NTN4: variants seen among roughly 807,000 people sequenced by gnomAD.
The protein encoded by NTN4 is netrin 4, also known as netrin-4.
Under a neutral mutation model 73.6 loss-of-function variants are expected in NTN4, and 32 were observed. The ratio of observed to expected loss-of-function variants is 0.44; its 90% CI spans 0.33 to 0.58. The LOEUF (loss-of-function observed/expected upper bound fraction) is 0.58. Among genes scored for constraint, NTN4 ranks in the 20% least tolerant of loss-of-function variants. NTN4 has a pLI of 0.04. For missense variants in NTN4, 654 were observed against 798.3 expected, an observed-to-expected ratio of 0.82 and a Z score of 2.18; for synonymous variants, 258 against 287.5, an observed-to-expected ratio of 0.90 and a Z score of 1.04.
At chr12:95,705,522 T>C (rs1259328022) in intron 5 of NTN4, among the ~76,000 whole-genome samples, 1 of 152,210 alleles carries the variant, frequency 6.6e-6, no homozygotes, top group Non-Finnish European at 1.5e-5. Context: ...TGTCAGAATA[T>C]GCTATATTCT....
intron 2 of NTN4, among the ~76,000 whole-genome samples, chr12:95,769,462 A>G (rs2079041026): frequency 6.6e-6 from 1 of 151,714 alleles, no homozygotes. Context: ...TAATTGAGCA[A>G]TGAACGACTC....
intron 2 of NTN4, among the ~76,000 whole-genome samples, chr12:95,761,782 T>C (rs1467101543): frequency 6.6e-6 from 1 of 152,208 alleles, no homozygotes; most frequent in Admixed American, 6.5e-5. Context: ...TCTTTAAGTC[T>C]ACCTAATTAT....
intron 5 of NTN4, among the ~76,000 whole-genome samples, chr12:95,685,823 A>G (rs1157129754): frequency 6.6e-6 from 1 of 152,228 alleles, no homozygotes; most frequent in African/African-American, 2.4e-5. Context: ...TGTGCAAAGC[A>G]GTTAGTGTGA....
chr12:95,737,641 G>T (rs565162117), intron 3 of NTN4, among the ~76,000 whole-genome samples: 1 of 152,228 alleles, frequency 6.6e-6, no homozygotes, highest in African/African-American at 2.4e-5. Context: ...CTAAAAACTG[G>T]CATGGGTGTT....
chr12:95,757,652 G>C (rs1284578063), intron 2 of NTN4, among the ~76,000 whole-genome samples: 1 of 150,122 alleles, frequency 6.7e-6, no homozygotes, highest in Non-Finnish European at 1.5e-5. Context: ...GCCATCTATG[G>C]TTAGAGCTCA....
At position 95,781,952 on chromosome 12, in the gene NTN4, G is replaced by A. The variant is rs980385616; in HGVS notation, c.585+4987C>T. Among the ~76,000 whole-genome samples the A allele has an allele frequency of 4.6e-5, 7 of 152,108 alleles. No individual in the cohort carries two copies. The highest frequency in any genetic ancestry group is 1.4e-4 in the African/African-American group (6 of 41,410). The stretch of plus-strand genomic sequence containing the variant: ...TTCACTGCCATGTCTATGCCACCTG[G>A]AATGGGATCTGACACATAGTAGCTT... On this transcript the variant is annotated intron_variant, in intron 2 of 9. Coordinates refer to ENST00000343702, the MANE Select transcript of NTN4 (RefSeq NM_021229.4). This position sits in a 1 kb window ranked among gnomAD's most constrained non-coding sequence, Gnocchi z 4.1.
intron 3 of NTN4, among the ~76,000 whole-genome samples, chr12:95,731,804 A>G (rs926155415): frequency 2.0e-4 from 30 of 152,044 alleles, no homozygotes; most frequent in African/African-American, 6.8e-4. Flanking sequence ...AATGGGCTTT[A>G]GTGTCTGACA....
At chr12:95,671,701 T>C (rs920056767) in intron 7 of NTN4, among the ~76,000 whole-genome samples, 2 of 152,200 alleles carry the variant, frequency 1.3e-5, no homozygotes, top group African/African-American at 4.8e-5. Flanking sequence ...ACCACAGATA[T>C]ATAGCATTCT....
In NTN4 at chr12:95,665,911, T is replaced by A; in HGVS notation, c.1649A>T (p.Lys550Met). Residue 550 changes from lysine to methionine, a missense_variant, in exon 9 of 10, where the codon AAG becomes ATG. Physicochemically the swap from Lys to Met is moderately conservative, Grantham distance 95. Coordinates refer to ENST00000343702, the MANE Select transcript of NTN4 (RefSeq NM_021229.4). ...CTTCAGTTTGGTAGATTTTAAGACC[T>A]TTTTAATCTTCACATTGACCTCAAC... The part of the protein sequence containing the change: ...THVEVNVKIK[K>M]VLKSTKLKIF... 1 of 1,613,078 alleles carries A rather than the reference T, an allele frequency of 6.2e-7. No individual in the cohort carries two copies.
At chr12:95,721,729 C>T (rs528289634) in intron 3 of NTN4, among the ~76,000 whole-genome samples, 48 of 152,180 alleles carry the variant, frequency 3.2e-4, no homozygotes, top group East Asian at 1.2e-3. Context: ...TGTGCATAAC[C>T]GAATGATTTA....
chr12:95,768,513 A>G (rs1053295317), intron 2 of NTN4, among the ~76,000 whole-genome samples: 1 of 152,050 alleles, frequency 6.6e-6, no homozygotes, highest in Admixed American at 6.6e-5. Flanking sequence ...AAGCAGCCCA[A>G]CAGATCCAGC....
intron 2 of NTN4, among the ~76,000 whole-genome samples, chr12:95,755,150 A>G (rs1213958550): frequency 6.6e-6 from 1 of 152,214 alleles, no homozygotes. Flanking sequence ...TAGTTTTTGT[A>G]TTGTCACCTC....
intron 2 of NTN4, 54 bp from the exon 3 acceptor site, chr12:95,738,198 A>T (rs2078795927): frequency 6.7e-7 from 1 of 1,487,828 alleles, no homozygotes; most frequent in African/African-American, 1.4e-5. Flanking sequence ...CAAACCCTGA[A>T]TTGTTTGCCT....
At chr12:95,750,095 C>T (rs534048420) in intron 2 of NTN4, among the ~76,000 whole-genome samples, 257 of 152,174 alleles carry the variant, frequency 1.7e-3, no homozygotes, top group African/African-American at 4.9e-3. Context: ...CGTATCTCTG[C>T]GCCCCAATCC....
At chr12:95,684,011 G>A (rs2078340565) in intron 5 of NTN4, among the ~76,000 whole-genome samples, 1 of 152,168 alleles carries the variant, frequency 6.6e-6, no homozygotes, top group Non-Finnish European at 1.5e-5. Flanking sequence ...AGAAGACAGG[G>A]TGGAAGGATT....
chr12:95,742,253 T>C (rs2078831982), intron 2 of NTN4, among the ~76,000 whole-genome samples: 1 of 152,056 alleles, frequency 6.6e-6, no homozygotes, highest in African/African-American at 2.4e-5. Context: ...CCCAGCACTT[T>C]GGGAGGCTGA....
intron 7 of NTN4, among the ~76,000 whole-genome samples, chr12:95,674,384 A>G (rs773705570): frequency 6.6e-6 from 1 of 152,188 alleles, no homozygotes; most frequent in Non-Finnish European, 1.5e-5. Context: ...CTGCTTTCCA[A>G]TACTTCTTTT....
At chr12:95,659,352 G>A (rs895199263) in intron 9 of NTN4, 130 bp from the exon 10 acceptor site, 10 of 635,996 alleles carry the variant, frequency 1.6e-5, no homozygotes, top group South Asian at 2.6e-5. Flanking sequence ...CTGGAGTGTA[G>A]TGGCATAATC....
intron 9 of NTN4, among the ~76,000 whole-genome samples, chr12:95,660,821 C>T (rs963479093): frequency 6.6e-6 from 1 of 152,108 alleles, no homozygotes; most frequent in Non-Finnish European, 1.5e-5. Flanking sequence ...ATTCATTGCT[C>T]ATTTTTCACT....
Sources: gnomAD v4.1 joint callset for allele counts (sites outside exome capture counted in the v4.1 genomes callset) on GRCh38, gnomAD v4.1.1 for gene constraint, Gnocchi (gnomAD v3.1) non-coding constraint, MANE v1.5 for transcripts, NCBI Gene and HGNC (gene_info 2026-07-23, HGNC 2026-07-21) for gene names.